The following DISP1 variants were observed in gnomAD, a reference collection of about 807,000 sequenced individuals.
DISP1 encodes dispatched RND transporter family member 1.
DISP1 carries 30 observed loss-of-function variants against 37.3 expected under a neutral mutation model. The observed-to-expected ratio is 0.80, with a 90% CI of 0.60 to 1.09. The LOEUF is 1.09. Among genes scored for constraint, DISP1 ranks in the 50% least tolerant of loss-of-function variants. The pLI is 0.00. For missense variants in DISP1, 1,598 were observed against 1,879.5 expected (o/e 0.85, Z 2.77); for synonymous variants, 634 against 690.2 (o/e 0.92, Z 1.28).
At chr1:222,925,953 T>G (rs930352325) in intron 1 of DISP1, among the ~76,000 whole-genome samples, 1 of 152,216 alleles carries the variant, frequency 6.6e-6, no homozygotes, top group Non-Finnish European at 1.5e-5. Flanking sequence ...AAATTCACCA[T>G]TTTAAAGTAA....
chr1:222,936,926 A>T (rs1367874727), intron 2 of DISP1, among the ~76,000 whole-genome samples: 12 of 64,360 alleles, frequency 1.9e-4, no homozygotes, highest in African/African-American at 5.4e-4. Flanking sequence ...ATATTATATA[A>T]TATGTAATAT....
At chr1:222,866,305 T>C (rs1484952283) in intron 1 of DISP1, among the ~76,000 whole-genome samples, 1 of 150,874 alleles carries the variant, frequency 6.6e-6, no homozygotes, top group Non-Finnish European at 1.5e-5. Flanking sequence ...GATCAGTACA[T>C]GATATTCCCG....
chr1:222,817,178 T>C (rs1661459089), intron 1 of DISP1, among the ~76,000 whole-genome samples: 3 of 152,266 alleles, frequency 2.0e-5, no homozygotes, highest in Admixed American at 2.0e-4. Flanking sequence ...ATAAATTATT[T>C]TTGTTATTCC....
At position 223,003,396 on chromosome 1, in the gene DISP1, T is replaced by G; in HGVS notation, c.1999T>G (p.Phe667Val). The G allele has an allele frequency of 6.2e-7, 1 of 1,614,144 alleles. No individual in the cohort carries two copies. The highest frequency in any genetic ancestry group is 8.5e-7 in the Non-Finnish European group (1 of 1,180,046). Residue 667 changes from phenylalanine (F) to valine (V), a missense_variant, in exon 9 of 9, where the codon TTC becomes GTC. Phe to Val is a conservative substitution (Grantham distance 50). Coordinates refer to ENST00000675850, the MANE Select transcript of DISP1 (RefSeq NM_001377229.1). This position sits in a 1 kb window ranked among gnomAD's most constrained non-coding sequence, Gnocchi z 4.3. ...GCATGAGCGGTATCTTCTTAATATA[T>G]TCACTTGCTTCAAAAAGCCCCAGCA... Reference protein sequence around the residue: ...VLHERYLLNIFTCFKKPQQQI... With the variant: ...VLHERYLLNIVTCFKKPQQQI...
intron 1 of DISP1, among the ~76,000 whole-genome samples, chr1:222,828,702 C>G (rs1282673537): frequency 5.3e-5 from 8 of 152,146 alleles, no homozygotes; most frequent in Admixed American, 5.3e-4. Context: ...GTTCATTCCA[C>G]CAGGAATATG....
chr1:222,903,969 C>A (rs1048493513), intron 1 of DISP1, among the ~76,000 whole-genome samples: 15 of 152,180 alleles, frequency 9.9e-5, no homozygotes, highest in African/African-American at 3.6e-4. Context: ...TTTTCATCTG[C>A]TTCAGTGTTT....
chr1:222,840,391 A>G (rs964246640), intron 1 of DISP1, among the ~76,000 whole-genome samples: 5 of 151,626 alleles, frequency 3.3e-5, no homozygotes, highest in Non-Finnish European at 5.9e-5. Flanking sequence ...ATAGGCGCCC[A>G]TCACCATGCC....
intron 4 of DISP1, chr1:222,989,571 T>G: frequency 1.0e-6 from 1 of 985,104 alleles, no homozygotes; most frequent in Non-Finnish European, 1.2e-6. Flanking sequence ...AAGGGCCCAG[T>G]GTTAGGATTT....
intron 2 of DISP1, 68 bp from the exon 3 acceptor site, chr1:222,942,739 A>T: frequency 6.4e-7 from 1 of 1,573,182 alleles, no homozygotes; most frequent in Non-Finnish European, 8.7e-7. Flanking sequence ...TTTAAATATC[A>T]TACTTGTCTT....
At chr1:222,864,641 T>G (rs1669076099) in intron 1 of DISP1, among the ~76,000 whole-genome samples, 1 of 152,204 alleles carries the variant, frequency 6.6e-6, no homozygotes, top group Non-Finnish European at 1.5e-5. Context: ...GGCAACATCA[T>G]TGAAAAGATT....
intron 1 of DISP1, among the ~76,000 whole-genome samples, chr1:222,838,593 G>A (rs1422510365): frequency 6.6e-6 from 1 of 151,376 alleles, no homozygotes; most frequent in East Asian, 1.9e-4. Context: ...AACATAGTGA[G>A]ACCCCATCTA....
rs1032095997 is a variant in DISP1 at position 222,974,556 on chromosome 1, G to T, written c.510-8524G>T. Among the ~76,000 whole-genome samples the T allele has an allele frequency of 2.0e-5, 3 of 151,908 alleles. No homozygotes were observed. The South Asian group carries it at 6.2e-4, about 32-fold the overall frequency. ...TCTCTCATGCTTCCTAGTTTATTTT[G>T]TATAGAAGCTGGCACTTTGTTCAGT... On this transcript the variant is annotated intron_variant, in intron 3 of 8. Transcript: ENST00000675850.
In DISP1 at chr1:222,863,536, C is replaced by G. The variant is rs1384860593; in HGVS notation, c.-159+48458C>G. 2.3e-5 allele frequency among the ~76,000 whole-genome samples: 3 copies of G among 131,684 alleles called. No homozygotes were observed. The Admixed American group carries it at 2.4e-4, about 10-fold the overall frequency. 86.4% of individuals were successfully genotyped at this position (131,684 alleles called of 152,430 possible). A position where few individuals can be genotyped will look rare whatever the true frequency, so the allele number is the denominator to read the frequency against. On this transcript the variant is annotated intron_variant, in intron 1 of 8. Transcript: ENST00000675850. ...TGGGTGACAGATTGAGACCCTATCT[C>G]AAAAAAAAAAAAAAATCTGTGGGGA...
intron 1 of DISP1, among the ~76,000 whole-genome samples, chr1:222,856,235 G>A (rs922306245): frequency 6.6e-6 from 1 of 152,208 alleles, no homozygotes; most frequent in Admixed American, 6.5e-5. Flanking sequence ...AAAATTCTCA[G>A]CAAATAGCAC....
At position 223,004,233 on chromosome 1, in the gene DISP1, G is replaced by A; in HGVS notation, c.2836G>A (p.Glu946Lys). 1 of 1,614,162 alleles carries A rather than the reference G, an allele frequency of 6.2e-7. No homozygotes were observed. Among genetic ancestry groups the A allele is most frequent in the Non-Finnish European group, 8.5e-7 (1 of 1,180,008 alleles). Reference sequence around the variant, plus strand: ...TGAAAAGATGCATCAGTTTTATAAAGAGGTGGACTCGTGGATATCCAGTGA... The same window carrying A: ...TGAAAAGATGCATCAGTTTTATAAAAAGGTGGACTCGTGGATATCCAGTGA... The part of the protein sequence containing the change: ...AYEKMHQFYK[E>K]VDSWISSELS... Residue 946 changes from glutamate (E) to lysine (K), a missense_variant, in exon 9 of 9, where the codon GAG becomes AAG. Physicochemically the swap from Glu to Lys is moderately conservative, Grantham distance 56. Transcript: ENST00000675850. This position sits in a 1 kb window ranked among gnomAD's most constrained non-coding sequence, Gnocchi z 4.9.
intron 1 of DISP1, among the ~76,000 whole-genome samples, chr1:222,923,500 G>T (rs984439533): frequency 1.3e-5 from 2 of 152,122 alleles, no homozygotes; most frequent in African/African-American, 2.4e-5. Flanking sequence ...CAGGAAAAAG[G>T]GTTGGACACT....
chr1:222,867,770 A>T (rs1669279368), intron 1 of DISP1, among the ~76,000 whole-genome samples: 1 of 152,154 alleles, frequency 6.6e-6, no homozygotes. Flanking sequence ...TTGACTTCTA[A>T]CTGCCATATA....
Position 222,891,823 on chromosome 1 carries a change from T to C in DISP1, c.-158-36607T>C, listed in dbSNP as rs780837188. Among the ~76,000 whole-genome samples, 3 of 151,978 alleles carry C rather than the reference T, an allele frequency of 2.0e-5. No individual in the cohort carries two copies. In the East Asian group the frequency reaches 5.8e-4, roughly 29 times the overall value. ...AAGCCAGGATTTGGGTGTGTGTGTGTTGAGGAGTAAAAGGCCAATGGAGAA... is the reference window on the plus strand; with the variant it reads ...AAGCCAGGATTTGGGTGTGTGTGTGCTGAGGAGTAAAAGGCCAATGGAGAA... On this transcript the variant is annotated intron_variant, in intron 1 of 8. Coordinates refer to ENST00000675850, the MANE Select transcript of DISP1 (RefSeq NM_001377229.1).
At chr1:222,959,708 A>AC (rs561783038) in intron 3 of DISP1, among the ~76,000 whole-genome samples, 16,607 of 149,916 alleles carry the variant, frequency 0.11, 2,532 homozygotes, top group African/African-American at 0.34. Flanking sequence ...CTCAAAAAAA[A>AC]AAAAAAAAGA....
Sources: gnomAD v4.1 joint callset for allele counts (sites outside exome capture counted in the v4.1 genomes callset) on GRCh38, gnomAD v4.1.1 for gene constraint, Gnocchi (gnomAD v3.1) non-coding constraint, MANE v1.5 for transcripts, NCBI Gene and HGNC (gene_info 2026-07-23, HGNC 2026-07-21) for gene names.